The following ZC3H18 variants were observed in gnomAD, a reference collection of about 807,000 sequenced individuals.
ZC3H18 encodes zinc finger CCCH domain-containing protein 18.
A neutral mutation model predicts 106.1 loss-of-function variants in ZC3H18; 8 were observed. The observed-to-expected ratio is 0.08, with a 90% CI of 0.04 to 0.14. The LOEUF (loss-of-function observed/expected upper bound fraction) is 0.14, where lower values mean the gene tolerates loss of function less well. Among genes scored for constraint, ZC3H18 ranks in the 10% least tolerant of loss-of-function variants. The pLI is 1.00. For missense variants in ZC3H18, 1,318 were observed against 1,278.4 expected (o/e 1.03, Z -0.47); for synonymous variants, 635 against 522.1 (o/e 1.22, Z -2.95).
intron 2 of ZC3H18, among the ~76,000 whole-genome samples, chr16:88,582,599 G>T (rs1467303797): frequency 1.2e-4 from 18 of 152,100 alleles, no homozygotes; most frequent in Admixed American, 1.2e-3. Flanking sequence ...CCATTCTATT[G>T]CCAAAGCCCA....
At chr16:88,596,447 C>G (rs1034145975) in intron 3 of ZC3H18, among the ~76,000 whole-genome samples, 2 of 152,078 alleles carry the variant, frequency 1.3e-5, no homozygotes, top group African/African-American at 4.8e-5. Context: ...CGAGACCAGC[C>G]TGACCAAGTT....
chr16:88,584,496 T>G (rs1429532912), intron 2 of ZC3H18, among the ~76,000 whole-genome samples: 1 of 152,066 alleles, frequency 6.6e-6, no homozygotes, highest in Non-Finnish European at 1.5e-5. Flanking sequence ...TAGTTGAAAA[T>G]TCACAATATT....
At chr16:88,610,779 C>T (rs186689592) in intron 7 of ZC3H18, among the ~76,000 whole-genome samples, 1 of 152,354 alleles carries the variant, frequency 6.6e-6, no homozygotes, top group East Asian at 1.9e-4. Flanking sequence ...AGGGCATGTG[C>T]TCTGCTGTGG....
intron 2 of ZC3H18, among the ~76,000 whole-genome samples, chr16:88,586,120 G>A (rs555684639): frequency 6.6e-6 from 1 of 152,146 alleles, no homozygotes; most frequent in Non-Finnish European, 1.5e-5. Flanking sequence ...TGAGGAGCTG[G>A]TTGAGGATGA....
chr16:88,624,610 C>T lies in ZC3H18; in HGVS notation c.1907C>T (p.Ser636Leu), dbSNP rs149402326. The change falls in exon 12 of 18, where the codon TCA becomes TTA. Residue 636 changes from serine to leucine, a missense_variant. Ser to Leu is a moderately radical substitution (Grantham distance 145, BLOSUM62 -2). Coordinates refer to ENST00000301011, the MANE Select transcript of ZC3H18 (RefSeq NM_144604.4). Reference protein sequence around the residue: ...APPPGKAGEKSVKKPAPPPAP... With the variant: ...APPPGKAGEKLVKKPAPPPAP... ...GCCTCCCTGTCTCACAGAGAGAAGT[C>T]AGTGAAGAAGCCGGCCCCGCCTCCA... 8.6e-5 allele frequency: 139 copies of T among 1,613,742 alleles called. No homozygotes were observed. Among genetic ancestry groups the T allele is most frequent in the Middle Eastern group, 5.0e-4 (3 of 6,060 alleles).
chr16:88,618,711 A>AT (rs1463493761), intron 8 of ZC3H18, among the ~76,000 whole-genome samples: 1 of 152,180 alleles, frequency 6.6e-6, no homozygotes, highest in Non-Finnish European at 1.5e-5. Context: ...TCAACGGGGA[A>AT]TGGGGGCCAG....
intron 1 of ZC3H18, chr16:88,571,597 C>T: frequency 2.0e-6 from 2 of 985,404 alleles, no homozygotes; most frequent in Non-Finnish European, 2.4e-6. Context: ...AAGCCGGAAA[C>T]TCCTCTCCCG....
At chr16:88,624,157 C>A in intron 11 of ZC3H18, 95 bp downstream of exon 11, 2 of 1,526,616 alleles carry the variant, frequency 1.3e-6, no homozygotes, top group Non-Finnish European at 1.8e-6. Context: ...GTGTTTGGGA[C>A]CAAAGAGGTG....
At chr16:88,584,567 A>G (rs1296010344) in intron 2 of ZC3H18, among the ~76,000 whole-genome samples, 1 of 152,238 alleles carries the variant, frequency 6.6e-6, no homozygotes, top group Non-Finnish European at 1.5e-5. Context: ...GAAAGGGGCC[A>G]TAAGCCCAGC....
rs374463113 is a variant in ZC3H18, at chr16:88,630,508, G to A, written c.2590G>A (p.Gly864Arg). The A allele has an allele frequency of 6.2e-7, 1 of 1,613,322 alleles. No homozygotes were observed. Among genetic ancestry groups the A allele is most frequent in the African/African-American group, 1.3e-5 (1 of 74,934 alleles). ...DRGSRDRKSGGRLGSPKPERQ... is the reference protein window; with the variant it reads ...DRGSRDRKSGRRLGSPKPERQ... ...AGGTTCTCGGGACCGGAAGTCAGGTGGGAGACTGGGCTCCCCGAAGCCAGA... is the reference window on the plus strand; with the variant it reads ...AGGTTCTCGGGACCGGAAGTCAGGTAGGAGACTGGGCTCCCCGAAGCCAGA... Residue 864 changes from glycine to arginine, a missense_variant, in exon 17 of 18, where the codon GGG (glycine) becomes AGG (arginine). Transcript: ENST00000301011.
At chr16:88,609,152 A>T in intron 7 of ZC3H18, 101 bp downstream of exon 7, 2 of 938,400 alleles carry the variant, frequency 2.1e-6, no homozygotes, top group Non-Finnish European at 3.1e-6. Flanking sequence ...ATATGAGCTT[A>T]TAGAGCCAGC....
intron 2 of ZC3H18, among the ~76,000 whole-genome samples, chr16:88,585,285 T>A (rs1915370647): frequency 6.6e-6 from 1 of 152,268 alleles, no homozygotes; most frequent in Admixed American, 6.5e-5. Flanking sequence ...CAAAAAATGA[T>A]GCAAATATTT....
intron 6 of ZC3H18, among the ~76,000 whole-genome samples, chr16:88,603,125 C>T (rs943680884): frequency 1.2e-4 from 18 of 151,872 alleles, no homozygotes; most frequent in African/African-American, 3.4e-4. Context: ...CCACCACGCT[C>T]AGCCAATTTT....
At chr16:88,586,831 T>G (rs1597327226) in intron 3 of ZC3H18, 147 bp downstream of exon 3, 18 of 590,372 alleles carry the variant, frequency 3.0e-5, no homozygotes, top group East Asian at 3.0e-5. Context: ...GTGGTGGTGG[T>G]GGTGGTGGCA....
chr16:88,629,603 G>C lies in ZC3H18; in HGVS notation c.2566+749G>C, dbSNP rs550253095. 3.3e-5 allele frequency among the ~76,000 whole-genome samples: 5 copies of C among 152,284 alleles called. No individual in the cohort carries two copies. In the South Asian group the frequency reaches 6.2e-4, roughly 19 times the overall value. ...GAAGACGGCTGGACCCACATGCCTCGTGCCTTCTGGAGATCCTCCCAGGCT... is the reference window on the plus strand; with the variant it reads ...GAAGACGGCTGGACCCACATGCCTCCTGCCTTCTGGAGATCCTCCCAGGCT... On this transcript the variant is annotated intron_variant, in intron 16 of 17. Transcript: ENST00000301011.
In ZC3H18 at chr16:88,631,645, G is replaced by A. The variant is rs183153625; in HGVS notation, c.*346G>A. ...CAGGCCTGTGGAGCCCCAGCTCTGG[G>A]TCCCTAGCCCGGGTCCAGGCAGCCA... On this transcript the variant is annotated 3_prime_UTR_variant, in exon 18 of 18. Transcript: ENST00000301011. 0.011 allele frequency: 5,057 copies of A among 475,744 alleles called. 53 individuals are homozygous for A. Among genetic ancestry groups the A allele is most frequent in the Admixed American group, 0.015 (659 of 43,004 alleles). 29.5% of individuals were successfully genotyped at this position (475,744 alleles called of 1,614,324 possible).
At position 88,630,514 on chromosome 16, in the gene ZC3H18, C is replaced by T; in HGVS notation, c.2596C>T (p.Leu866=). The change falls in exon 17 of 18, where the codon CTG becomes TTG. Residue 866 remains leucine, a synonymous_variant. Coordinates refer to ENST00000301011, the MANE Select transcript of ZC3H18 (RefSeq NM_144604.4). The stretch of plus-strand genomic sequence containing the variant: ...TCGGGACCGGAAGTCAGGTGGGAGA[C>T]TGGGCTCCCCGAAGCCAGAGCGGCA... ...GSRDRKSGGR[L]GSPKPERQRG... 6.2e-7 allele frequency: 1 copy of T among 1,613,462 alleles called. No individual in the cohort carries two copies. Among genetic ancestry groups the T allele is most frequent in the Non-Finnish European group, 8.5e-7 (1 of 1,179,922 alleles).
chr16:88,600,632 C>G (rs1178824274), intron 6 of ZC3H18, among the ~76,000 whole-genome samples: 1 of 152,164 alleles, frequency 6.6e-6, no homozygotes. Flanking sequence ...AGGATGGTCT[C>G]GAACTCCTGA....
chr16:88,579,546 C>G (rs1049710175), intron 2 of ZC3H18, among the ~76,000 whole-genome samples: 1 of 152,186 alleles, frequency 6.6e-6, no homozygotes, highest in Non-Finnish European at 1.5e-5. Context: ...ACCATGGGCG[C>G]GGGCGGTGCG....
Sources: gnomAD v4.1 joint callset for allele counts (sites outside exome capture counted in the v4.1 genomes callset) on GRCh38, gnomAD v4.1.1 for gene constraint, MANE v1.5 for transcripts, NCBI Gene and HGNC (gene_info 2026-07-23, HGNC 2026-07-21) for gene names.